PDE8B: variants seen among roughly 807,000 people sequenced by gnomAD.
PDE8B encodes high affinity cAMP-specific and IBMX-insensitive 3',5'-cyclic phosphodiesterase 8B.
Under a neutral mutation model 101.3 loss-of-function variants are expected in PDE8B, and 26 were observed. That is an observed-to-expected ratio of 0.26 (90% CI 0.19 to 0.36). The LOEUF (loss-of-function observed/expected upper bound fraction) is 0.36, where lower values mean the gene tolerates loss of function less well. Among genes scored for constraint, PDE8B ranks in the 10% least tolerant of loss-of-function variants. The pLI, the probability that PDE8B is intolerant of heterozygous loss-of-function variation, is 1.00. For synonymous variants in PDE8B, 424 were observed against 429.3 expected, an observed-to-expected ratio of 0.99 and a Z score of 0.15; for missense variants, 810 against 1,163.1, an observed-to-expected ratio of 0.70 and a Z score of 4.42.
the PDE8B span, chr5:77,119,120 C>T: frequency 6.6e-6 from 1 of 152,162 alleles, no homozygotes; most frequent in South Asian, 2.1e-4. Flanking sequence ...AAAACCACCA[C>T]GAGATACCTA....
the PDE8B span, among the ~76,000 whole-genome samples, chr5:77,172,338 T>A: frequency 6.6e-6 from 1 of 152,142 alleles, no homozygotes; most frequent in South Asian, 2.1e-4. Context: ...CCAAACAACA[T>A]AAAATATGCA....
In PDE8B at chr5:77,295,380, G is replaced by A. The variant is rs993116019; in HGVS notation, c.340-16614G>A. ...CTGGTGGTTGACACGTGAGACTTTG[G>A]GGTACGTTAGCTTCTGGTGAGACCC... On this transcript the variant is annotated intron_variant, in intron 1 of 21. Transcript: ENST00000264917. 3.3e-5 allele frequency among the ~76,000 whole-genome samples: 5 copies of A among 152,106 alleles called. No homozygotes were observed. In the East Asian group the frequency reaches 9.7e-4, roughly 29 times the overall value.
intron 1 of PDE8B, chr5:77,291,669 T>A: frequency 6.3e-7 from 1 of 1,596,440 alleles, no homozygotes; most frequent in Non-Finnish European, 8.6e-7. Flanking sequence ...TGGAGGTGCC[T>A]TTGGAGGAGA....
At position 77,369,290 on chromosome 5, in the gene PDE8B, T is replaced by C. The variant is rs183947242; in HGVS notation, c.1167+15884T>C. Among the ~76,000 whole-genome samples the C allele has an allele frequency of 1.3e-4, 19 of 150,534 alleles. No individual in the cohort carries two copies. The East Asian group carries it at 3.1e-3, about 25-fold the overall frequency. On this transcript the variant is annotated intron_variant, in intron 10 of 21. Transcript: ENST00000264917. ...ACCAGAATGTTTTTGAAGTGAGGTA[T>C]TGAAGGGTGAGATGGAAAGAAGAAT...
At chr5:77,419,725 GAC>G (rs1257428747) in intron 18 of PDE8B, 40 bp from the exon 19 acceptor site, 1 of 1,611,618 alleles carries the variant, frequency 6.2e-7, no homozygotes, top group African/African-American at 1.3e-5. Context: ...TATAATTTGA[GAC>G]ACGCTGTGAA....
chr5:77,223,539 G>A (rs556225618), intron 1 of PDE8B, among the ~76,000 whole-genome samples: 15 of 152,030 alleles, frequency 9.9e-5, no homozygotes, highest in South Asian at 2.1e-4. Flanking sequence ...GAGGAAGAAA[G>A]TGAAATTTAC....
chr5:77,186,974 C>G, the PDE8B span, among the ~76,000 whole-genome samples: 3 of 152,192 alleles, frequency 2.0e-5, no homozygotes, highest in Non-Finnish European at 4.4e-5. Flanking sequence ...AAGTCTGAAT[C>G]TGTGATCACT....
At chr5:77,101,058 C>G in the PDE8B span, among the ~76,000 whole-genome samples, 35 of 149,766 alleles carry the variant, frequency 2.3e-4, no homozygotes, top group Middle Eastern at 6.8e-3. Flanking sequence ...CAGCCTCATC[C>G]TCCTGGGCTC....
chr5:77,330,585 G>A (rs1363088945), intron 4 of PDE8B, among the ~76,000 whole-genome samples: 1 of 152,174 alleles, frequency 6.6e-6, no homozygotes, highest in East Asian at 1.9e-4. Flanking sequence ...CTTAGGGCAG[G>A]AATCAGCTGT....
intron 10 of PDE8B, among the ~76,000 whole-genome samples, chr5:77,396,713 C>T (rs1791137427): frequency 1.3e-5 from 2 of 152,244 alleles, no homozygotes; most frequent in African/African-American, 2.4e-5. Flanking sequence ...TATGTGGTTA[C>T]TCTTCCTTTA....
At chr5:77,333,500 T>G in intron 5 of PDE8B, among the ~76,000 whole-genome samples, 1 of 152,224 alleles carries the variant, frequency 6.6e-6, no homozygotes, top group Non-Finnish European at 1.5e-5. Context: ...GACATAGATT[T>G]TCCTCATTAC....
chr5:77,239,793 G>T (rs922607472), intron 1 of PDE8B, among the ~76,000 whole-genome samples: 2 of 151,998 alleles, frequency 1.3e-5, no homozygotes, highest in African/African-American at 4.8e-5. Flanking sequence ...CCTGTTCAGA[G>T]CTTTCATTCT....
the PDE8B span, among the ~76,000 whole-genome samples, chr5:77,179,100 G>A: frequency 6.6e-6 from 1 of 152,218 alleles, no homozygotes; most frequent in African/African-American, 2.4e-5. Flanking sequence ...ATCATTGGGA[G>A]TCATCTTGAA....
intron 10 of PDE8B, among the ~76,000 whole-genome samples, chr5:77,362,181 G>A (rs1016802186): frequency 2.0e-5 from 3 of 152,184 alleles, no homozygotes; most frequent in Non-Finnish European, 4.4e-5. Context: ...ATGTTCTAAT[G>A]AAATTGTATT....
chr5:77,141,258 A>G, the PDE8B span: 2 of 152,354 alleles, frequency 1.3e-5, no homozygotes, highest in Admixed American at 1.3e-4. Flanking sequence ...AATTAAGCAC[A>G]AAAGAGGGAT....
chr5:77,355,762 A>T (rs1183297890), intron 10 of PDE8B, among the ~76,000 whole-genome samples: 1 of 152,262 alleles, frequency 6.6e-6, no homozygotes, highest in Non-Finnish European at 1.5e-5. Context: ...GGCCACAGAC[A>T]GGTAAACAGA....
chr5:77,228,450 T>C (rs1752890768), intron 1 of PDE8B, among the ~76,000 whole-genome samples: 2 of 152,086 alleles, frequency 1.3e-5, no homozygotes, highest in Non-Finnish European at 2.9e-5. Flanking sequence ...AGGAAGAGCA[T>C]GGAACCTACC....
At chr5:77,276,625 A>G (rs945270224) in intron 1 of PDE8B, among the ~76,000 whole-genome samples, 2 of 152,186 alleles carry the variant, frequency 1.3e-5, no homozygotes, top group Admixed American at 6.5e-5. Context: ...TGAGTGTCTA[A>G]TGTGTCTAAC....
At chr5:77,329,078 C>T (rs748403580) in intron 4 of PDE8B, 21 bp downstream of exon 4, 2 of 1,575,622 alleles carry the variant, frequency 1.3e-6, no homozygotes, top group Non-Finnish European at 1.7e-6. Flanking sequence ...CTCCCATTCC[C>T]AGATGGAAGG....
Sources: gnomAD v4.1 joint callset for allele counts (sites outside exome capture counted in the v4.1 genomes callset) on GRCh38, gnomAD v4.1.1 for gene constraint, MANE v1.5 for transcripts, NCBI Gene and HGNC (gene_info 2026-07-23, HGNC 2026-07-21) for gene names.